The following CARMIL1 variants were observed in gnomAD, a reference collection of about 807,000 sequenced individuals.
CARMIL1 encodes the protein F-actin-uncapping protein LRRC16A.
Under a neutral mutation model 177.1 loss-of-function variants are expected in CARMIL1, and 90 were observed. The observed-to-expected ratio is 0.51, with a 90% CI of 0.43 to 0.61. The LOEUF is 0.61. CARMIL1 is among the 20% of genes least tolerant of loss of function. The probability of loss-of-function intolerance (pLI) is 0.00; values close to 1 mark genes in which losing one functional copy is unlikely to be tolerated. For synonymous variants in CARMIL1, 577 were observed against 606.2 expected, an observed-to-expected ratio of 0.95 and a Z score of 0.71; for missense variants, 1,380 against 1,667.0, an observed-to-expected ratio of 0.83 and a Z score of 3.00.
intron 4 of CARMIL1, 93 bp downstream of exon 4, chr6:25,426,653 GT>G: frequency 8.6e-7 from 1 of 1,164,690 alleles, no homozygotes; most frequent in Non-Finnish European, 1.2e-6. Context: ...GATAAACAAG[GT>G]TAGGGAAGAT....
intron 2 of CARMIL1, among the ~76,000 whole-genome samples, chr6:25,384,027 A>G (rs1435710285): frequency 1.3e-5 from 2 of 152,100 alleles, no homozygotes; most frequent in Admixed American, 6.5e-5. Flanking sequence ...TTTAGTAGAC[A>G]TGGGGTTTCA....
intron 2 of CARMIL1, among the ~76,000 whole-genome samples, chr6:25,417,581 C>G (rs1372001454): frequency 6.6e-6 from 1 of 152,158 alleles, no homozygotes; most frequent in Non-Finnish European, 1.5e-5. Context: ...TCATGGCTGC[C>G]CTGGGCTATC....
At chr6:25,337,073 C>A (rs1012422802) in intron 2 of CARMIL1, among the ~76,000 whole-genome samples, 26 of 152,114 alleles carry the variant, frequency 1.7e-4, no homozygotes, top group Admixed American at 1.6e-3. Context: ...TTTGTCAGGG[C>A]ATATATTATG....
At chr6:25,399,949 A>G (rs1207457862) in intron 2 of CARMIL1, among the ~76,000 whole-genome samples, 3 of 152,220 alleles carry the variant, frequency 2.0e-5, no homozygotes, top group Non-Finnish European at 2.9e-5. Context: ...TAGGAGGTAG[A>G]TACTACATTA....
At chr6:25,302,963 G>A (rs1208187811) in intron 2 of CARMIL1, among the ~76,000 whole-genome samples, 1 of 152,152 alleles carries the variant, frequency 6.6e-6, no homozygotes, top group African/African-American at 2.4e-5. Flanking sequence ...ACTGTCTCAG[G>A]AATGTGAATT....
intron 8 of CARMIL1, 129 bp downstream of exon 8, chr6:25,450,840 C>T (rs1419810127): frequency 1.8e-4 from 87 of 473,070 alleles, no homozygotes; most frequent in Admixed American, 6.6e-4. Flanking sequence ...CTTCCCTCCC[C>T]TCCCCTTCCC....
chr6:25,279,716 A>AT lies in CARMIL1; in HGVS notation c.-80_-79insT, dbSNP rs1780918026. ...GCAAGCTGCATCTGCCTCTCTAAAAAAATTGAGGAGTTCGGGGAAGGGCAG... is the reference window on the plus strand; with the variant it reads ...GCAAGCTGCATCTGCCTCTCTAAAAATAATTGAGGAGTTCGGGGAAGGGCAG... On this transcript the variant is annotated 5_prime_UTR_variant, in exon 1 of 37. Transcript: ENST00000329474. The AT allele has an allele frequency of 7.1e-7, 1 of 1,400,206 alleles. No individual in the cohort carries two copies. Among genetic ancestry groups the AT allele is most frequent in the African/African-American group, 1.4e-5 (1 of 70,580 alleles). The allele number at this position is 1,400,206 out of a possible 1,614,324, so 86.7% of individuals were successfully genotyped here.
intron 15 of CARMIL1, among the ~76,000 whole-genome samples, chr6:25,494,053 G>A (rs1285062565): frequency 6.7e-6 from 1 of 149,702 alleles, no homozygotes; most frequent in Non-Finnish European, 1.5e-5. Flanking sequence ...GTCAAATATT[G>A]ACAGATTTTC....
chr6:25,412,447 G>A (rs1462915076), intron 2 of CARMIL1, among the ~76,000 whole-genome samples: 2 of 152,086 alleles, frequency 1.3e-5, no homozygotes, highest in Admixed American at 6.6e-5. Flanking sequence ...TGGGCATGGT[G>A]GCACATGCTT....
chr6:25,467,506 C>G (rs1292218453), intron 9 of CARMIL1, among the ~76,000 whole-genome samples: 2 of 152,174 alleles, frequency 1.3e-5, no homozygotes, highest in Non-Finnish European at 2.9e-5. Flanking sequence ...GTGGATATCT[C>G]ACTTTTGGAG....
chr6:25,546,669 CAAAAAAAAAAAAA>C (rs58285338), intron 26 of CARMIL1, among the ~76,000 whole-genome samples: 10 of 115,478 alleles, frequency 8.7e-5, no homozygotes, highest in South Asian at 2.8e-4. Context: ...ACAACAACAA[CAAAAAAAAAAAAA>C]AAAAAAAAAT....
At chr6:25,373,282 T>A (rs60931481) in intron 2 of CARMIL1, among the ~76,000 whole-genome samples, 5,204 of 152,094 alleles carry the variant, frequency 0.034, 248 homozygotes, top group African/African-American at 0.1. Context: ...ATAGAATAAG[T>A]TATAGAGGAT....
In CARMIL1 at chr6:25,445,720, A is replaced by G. The variant is rs564501572; in HGVS notation, c.372-4178A>G. Among the ~76,000 whole-genome samples the G allele has an allele frequency of 4.1e-4, 62 of 151,394 alleles. 3 individuals carry two copies. In the South Asian group the frequency reaches 0.012, roughly 28 times the overall value. On this transcript the variant is annotated intron_variant, in intron 5 of 36. Coordinates refer to ENST00000329474, the MANE Select transcript of CARMIL1 (RefSeq NM_017640.6). ...CGGCTAATTTTTTTTTTGTATTTTT[A>G]GTAGAGATGGGGTTTCACCATGTTA...
chr6:25,528,743 T>C, intron 23 of CARMIL1, 52 bp from the exon 24 acceptor site: 1 of 1,310,152 alleles, frequency 7.6e-7, no homozygotes, highest in Non-Finnish European at 1.1e-6. Flanking sequence ...TATACTTTAT[T>C]CTCCGCTGGG....
chr6:25,312,924 A>C (rs78575915), intron 2 of CARMIL1, among the ~76,000 whole-genome samples: 15 of 148,258 alleles, frequency 1.0e-4, no homozygotes, highest in East Asian at 6.0e-4. Flanking sequence ...AAAAAAAAAA[A>C]AAAAAAACCA....
chr6:25,314,493 A>G (rs1367938854), intron 2 of CARMIL1, among the ~76,000 whole-genome samples: 1 of 131,262 alleles, frequency 7.6e-6, no homozygotes, highest in African/African-American at 3.2e-5. Context: ...AAAATTATAT[A>G]TATACACACC....
chr6:25,318,229 C>T (rs1327954369), intron 2 of CARMIL1, among the ~76,000 whole-genome samples: 1 of 152,028 alleles, frequency 6.6e-6, no homozygotes, highest in Non-Finnish European at 1.5e-5. Flanking sequence ...GCAGGGCATC[C>T]GTTTGGCAGC....
chr6:25,285,861 A>G (rs1781478315), intron 2 of CARMIL1, among the ~76,000 whole-genome samples: 1 of 151,830 alleles, frequency 6.6e-6, no homozygotes, highest in African/African-American at 2.4e-5. Flanking sequence ...TTGAAAGAGT[A>G]TAATTTCTTA....
In CARMIL1 at chr6:25,581,339, G is replaced by A; in HGVS notation, c.2906G>A (p.Gly969Glu). 1.2e-6 allele frequency: 2 copies of A among 1,613,826 alleles called. No individual in the cohort carries two copies. The highest frequency in any genetic ancestry group is 8.5e-7 in the Non-Finnish European group (1 of 1,179,826). The change falls in exon 31 of 37, where the codon GGA becomes GAA. Residue 969 changes from glycine (G) to glutamate (E), a missense_variant. Coordinates refer to ENST00000329474, the MANE Select transcript of CARMIL1 (RefSeq NM_017640.6). ...CTCAGACAGGAGAAGCGGAGCTCGG[G>A]ATTTATCTCTGAGTTGCCCTCTGAA... ...PSLRQEKRSS[G>E]FISELPSEEG...
Sources: allele counts gnomAD v4.1 joint callset (sites outside exome capture counted in the v4.1 genomes callset), GRCh38; gene constraint gnomAD v4.1.1; transcripts MANE v1.5; gene names NCBI Gene and HGNC (gene_info 2026-07-23, HGNC 2026-07-21).